The following ASIC5 variants were observed in gnomAD, a reference collection of about 807,000 sequenced individuals.
The protein encoded by ASIC5 is acid sensing ion channel subunit family member 5.
In ASIC5, 52 loss-of-function variants were observed where a neutral mutation model predicts 51.2. That is an observed-to-expected ratio of 1.02 (90% confidence interval 0.81 to 1.28). The LOEUF is 1.28. Ranked by LOEUF, ASIC5 falls within the 50% of genes most tolerant of loss-of-function variation. The pLI, the probability that ASIC5 is intolerant of heterozygous loss-of-function variation, is 0.00. For synonymous variants in ASIC5, 231 were observed against 200.7 expected (o/e 1.15, Z -1.28); for missense variants, 635 against 595.0 (o/e 1.07, Z -0.70).
intron 7 of ASIC5, among the ~76,000 whole-genome samples, chr4:155,837,905 T>A (rs982350143): frequency 6.6e-6 from 1 of 152,018 alleles, no homozygotes; most frequent in Admixed American, 6.6e-5. Flanking sequence ...CTAAACTGCA[T>A]GCATGGTTTT....
chr4:155,856,590 T>C (rs1449120581), intron 2 of ASIC5, among the ~76,000 whole-genome samples: 4 of 152,128 alleles, frequency 2.6e-5, no homozygotes, highest in African/African-American at 9.7e-5. Context: ...GGTGGTATTC[T>C]GTCTAACTAC....
intron 2 of ASIC5, among the ~76,000 whole-genome samples, chr4:155,859,855 G>A (rs1373809237): frequency 6.6e-6 from 1 of 151,876 alleles, no homozygotes; most frequent in Non-Finnish European, 1.5e-5. Flanking sequence ...CAACCTCAGG[G>A]CTCCTAACAT....
At chr4:155,857,608 T>C (rs1437034206) in intron 2 of ASIC5, among the ~76,000 whole-genome samples, 1 of 152,104 alleles carries the variant, frequency 6.6e-6, no homozygotes, top group Non-Finnish European at 1.5e-5. Flanking sequence ...ATTAGATATG[T>C]CTTTCTTATG....
At chr4:155,858,244 G>A (rs1741597079) in intron 2 of ASIC5, among the ~76,000 whole-genome samples, 2 of 152,016 alleles carry the variant, frequency 1.3e-5, no homozygotes, top group African/African-American at 4.8e-5. Flanking sequence ...TTTGTGAAAT[G>A]TGACTTTTTA....
chr4:155,844,025 C>A (rs6536104), intron 4 of ASIC5, among the ~76,000 whole-genome samples, 195 bp from the exon 5 acceptor site: 10,933 of 152,108 alleles, frequency 0.072, 1,024 homozygotes, highest in African/African-American at 0.22. Context: ...TGAAAGGAAA[C>A]TATCTTGGGT....
chr4:155,841,306 T>C (rs1311269747), intron 6 of ASIC5, among the ~76,000 whole-genome samples: 1 of 152,144 alleles, frequency 6.6e-6, no homozygotes, highest in Non-Finnish European at 1.5e-5. Context: ...TGAATACAAA[T>C]ATCTGACATT....
intron 4 of ASIC5, among the ~76,000 whole-genome samples, chr4:155,850,867 TAA>T (rs1437737489): frequency 2.0e-5 from 3 of 152,000 alleles, no homozygotes; most frequent in Non-Finnish European, 2.9e-5. Flanking sequence ...AATTTAAGAG[TAA>T]ACTTCTGGTG....
chr4:155,848,850 C>T (rs1019254473), intron 4 of ASIC5, among the ~76,000 whole-genome samples: 7 of 152,142 alleles, frequency 4.6e-5, no homozygotes, highest in Admixed American at 2.0e-4. Context: ...TTACTTTTTA[C>T]TTAAAATGTT....
At chr4:155,838,433 C>G (rs1310670320) in intron 7 of ASIC5, among the ~76,000 whole-genome samples, 1 of 152,110 alleles carries the variant, frequency 6.6e-6, no homozygotes, top group Non-Finnish European at 1.5e-5. Flanking sequence ...GAATGAAGGA[C>G]TATTCCCAAT....
At chr4:155,838,063 C>A (rs1237403022) in intron 7 of ASIC5, among the ~76,000 whole-genome samples, 1 of 152,112 alleles carries the variant, frequency 6.6e-6, no homozygotes, top group Non-Finnish European at 1.5e-5. Context: ...TACCTATAGC[C>A]ATACCTTGAA....
rs1413859567 is a variant in ASIC5 at position 155,838,832 on chromosome 4, G to A, written c.1047C>T (p.Ser349=). ...ACTTACCAAGTACAGGAGAAACACA[G>A]CTGAAGTACTTTTGTAGGTCACATT... ...GIECDLQKYF[S]CVSPVLDHIE... The change falls in exon 7 of 10, where the codon AGC becomes AGT. Residue 349 remains serine (S), a synonymous_variant. Transcript: ENST00000537611. 2 of 1,586,878 alleles carry A rather than the reference G, an allele frequency of 1.3e-6. No homozygotes were observed. The highest frequency in any genetic ancestry group is 4.5e-5 in the East Asian group (2 of 44,432).
chr4:155,843,702 C>A lies in ASIC5; in HGVS notation c.840G>T (p.Arg280Ser). The change falls in exon 5 of 10, where the codon AGG becomes AGT. Residue 280 changes from arginine to serine, a missense_variant. Physicochemically the swap from Arg to Ser is moderately radical, Grantham distance 110. Coordinates refer to ENST00000537611, the MANE Select transcript of ASIC5 (RefSeq NM_017419.3). ...GLLSPVGMHA[R>S]VTIRQVKTVH... is the part of the protein sequence containing the mutation. Reference sequence around the variant, plus strand: ...TTACCTTCACTTGGCGGATGGTTACCCTTGCGTGCATTCCCACAGGTGACA... The same window carrying A: ...TTACCTTCACTTGGCGGATGGTTACACTTGCGTGCATTCCCACAGGTGACA... The A allele has an allele frequency of 6.2e-7, 1 of 1,613,450 alleles. No individual in the cohort carries two copies. The highest frequency in any genetic ancestry group is 8.5e-7 in the Non-Finnish European group (1 of 1,179,638).
chr4:155,837,439 A>T (rs1741010629), intron 7 of ASIC5, among the ~76,000 whole-genome samples: 1 of 152,134 alleles, frequency 6.6e-6, no homozygotes, highest in Non-Finnish European at 1.5e-5. Context: ...ATGCAAATGC[A>T]TACTAGAAAA....
At chr4:155,858,885 C>A (rs1438288149) in intron 2 of ASIC5, 1 of 152,006 alleles carries the variant, frequency 6.6e-6, no homozygotes, top group Non-Finnish European at 1.5e-5. Flanking sequence ...AAGTCAAATA[C>A]GCATTTGCCT....
chr4:155,845,376 C>T (rs547818565), intron 4 of ASIC5, among the ~76,000 whole-genome samples: 4 of 147,416 alleles, frequency 2.7e-5, no homozygotes, highest in Non-Finnish European at 3.0e-5. Flanking sequence ...GTTTTTCTCT[C>T]CTAAGACTTT....
intron 6 of ASIC5, among the ~76,000 whole-genome samples, chr4:155,839,721 TAAAAAA>T (rs923437010): frequency 7.3e-6 from 1 of 137,126 alleles, no homozygotes; most frequent in Non-Finnish European, 1.6e-5. Flanking sequence ...ATACAATAAG[TAAAAAA>T]AAAAAACTAC....
At position 155,854,263 on chromosome 4, in the gene ASIC5, G is replaced by T; in HGVS notation, c.399C>A (p.His133Gln). 6.2e-7 allele frequency: 1 copy of T among 1,613,190 alleles called. No homozygotes were observed. The highest frequency in any genetic ancestry group is 8.5e-7 in the Non-Finnish European group (1 of 1,179,516). The change falls in exon 3 of 10, where the codon CAC (histidine) becomes CAA (glutamine). Residue 133 changes from histidine (H) to glutamine (Q), a missense_variant. By Grantham distance (24) the His-to-Gln change is conservative (BLOSUM62 0). Coordinates refer to ENST00000537611, the MANE Select transcript of ASIC5 (RefSeq NM_017419.3). ...GAAGATGGAGGACTTTGGATACAAT[G>T]TGCCATAAGAAAAAAATAACACCAA... ...AKFGVIFFLW[H>Q]IVSKVLHLQE...
intron 4 of ASIC5, among the ~76,000 whole-genome samples, chr4:155,848,467 C>A (rs951839370): frequency 4.0e-5 from 6 of 151,800 alleles, no homozygotes; most frequent in Non-Finnish European, 7.4e-5. Flanking sequence ...GTAAGTGTTC[C>A]AGAATTAATG....
Position 155,854,248 on chromosome 4 carries a change from G to A in ASIC5, c.414C>T (p.Val138=). The change falls in exon 3 of 10, where the codon GTC becomes GTT. Residue 138 remains valine (V), a synonymous_variant. Transcript: ENST00000537611. Reference sequence around the variant, plus strand: ...TGGCAGTAATTTCTTGAAGATGGAGGACTTTGGATACAATGTGCCATAAGA... The same window carrying A: ...TGGCAGTAATTTCTTGAAGATGGAGAACTTTGGATACAATGTGCCATAAGA... ...IFFLWHIVSK[V]LHLQEITANS... is the part of the protein sequence containing the mutation. 6.2e-7 allele frequency: 1 copy of A among 1,613,294 alleles called. No individual in the cohort carries two copies. The highest frequency in any genetic ancestry group is 1.1e-5 in the South Asian group (1 of 91,074).
Sources: gnomAD v4.1 joint callset for allele counts (sites outside exome capture counted in the v4.1 genomes callset) on GRCh38, gnomAD v4.1.1 for gene constraint, MANE v1.5 for transcripts, NCBI Gene and HGNC (gene_info 2026-07-23, HGNC 2026-07-21) for gene names.